Variants in RFX8 observed in about 807,000 individuals in gnomAD.
The protein encoded by RFX8 is DNA-binding protein RFX8.
In RFX8, 46 loss-of-function variants were observed where a neutral mutation model predicts 54.6. The observed-to-expected ratio is 0.84, with a 90% CI of 0.67 to 1.08. The LOEUF (loss-of-function observed/expected upper bound fraction) is 1.08. Among genes scored for constraint, RFX8 ranks in the 50% least tolerant of loss-of-function variants. RFX8 has a pLI of 0.00. For synonymous variants in RFX8, 192 were observed against 209.5 expected (o/e 0.92, Z 0.72); for missense variants, 536 against 562.3 (o/e 0.95, Z 0.47).
chr2:101,401,538 T>A lies in RFX8; in HGVS notation c.1245+898A>T, dbSNP rs114878384. Among the ~76,000 whole-genome samples the A allele has an allele frequency of 8.3e-3, 1,264 of 152,270 alleles. 23 individuals are homozygous for A. The highest frequency in any genetic ancestry group is 0.028 in the African/African-American group (1,180 of 41,552). On this transcript the variant is annotated intron_variant, in intron 11 of 11. Coordinates refer to ENST00000428343, the MANE Select transcript of RFX8 (RefSeq NM_001145664.2). ...TCATCTGTGCGAGAGGGGGAACTTG[T>A]GGGCACAAAAAGAAGAAGGCGGATA...
chr2:101,455,020 C>CTTTTTTTTTTTTTTTTTT (rs556030262), intron 2 of RFX8, among the ~76,000 whole-genome samples: 1 of 142,328 alleles, frequency 7.0e-6, no homozygotes, highest in Non-Finnish European at 1.5e-5. Flanking sequence ...TTTCTTTTTT[C>CTTTTTTTTTTTTTTTTTT]TTTTTTTTTT....
intron 2 of RFX8, among the ~76,000 whole-genome samples, chr2:101,442,628 G>A (rs1688159819): frequency 3.3e-5 from 5 of 151,944 alleles, no homozygotes; most frequent in Admixed American, 3.3e-4. Context: ...TATAGGTAAT[G>A]TGTTATTTTT....
chr2:101,413,173 A>C, intron 7 of RFX8, 102 bp from the exon 8 acceptor site: 1 of 883,332 alleles, frequency 1.1e-6, no homozygotes, highest in South Asian at 1.5e-5. Context: ...GGGGAGAAAG[A>C]AACATTGATG....
intron 2 of RFX8, among the ~76,000 whole-genome samples, chr2:101,462,827 G>A (rs977114517): frequency 4.6e-5 from 7 of 152,168 alleles, no homozygotes; most frequent in African/African-American, 1.7e-4. Context: ...GTCTGCCTGT[G>A]TGTCTGTCTA....
chr2:101,470,954 C>T (rs1398365520), intron 1 of RFX8, among the ~76,000 whole-genome samples: 5 of 150,198 alleles, frequency 3.3e-5, no homozygotes, highest in South Asian at 2.1e-4. Flanking sequence ...CTCCTGACCT[C>T]GTGATCCACC....
At chr2:101,424,397 G>A (rs762701763) in intron 2 of RFX8, among the ~76,000 whole-genome samples, 24 of 152,166 alleles carry the variant, frequency 1.6e-4, no homozygotes, top group Non-Finnish European at 2.9e-4. Flanking sequence ...TGGAGAAATA[G>A]GAATGCTTTT....
chr2:101,422,137 G>A (rs906977774), intron 3 of RFX8, among the ~76,000 whole-genome samples: 1 of 152,086 alleles, frequency 6.6e-6, no homozygotes, highest in African/African-American at 2.4e-5. Flanking sequence ...CTTTGTCTTG[G>A]GGAAGAGGCA....
chr2:101,444,084 T>C (rs536910573), intron 2 of RFX8, among the ~76,000 whole-genome samples: 4 of 152,274 alleles, frequency 2.6e-5, no homozygotes, highest in Admixed American at 1.3e-4. Context: ...AGCACTGAAA[T>C]GGCAGGTCAT....
chr2:101,413,121 T>C, intron 7 of RFX8, 50 bp from the exon 8 acceptor site: 1 of 1,501,828 alleles, frequency 6.7e-7, no homozygotes, highest in South Asian at 1.3e-5. Context: ...GTCATTTTAT[T>C]TTTGCCTAAC....
rs139712268 is a variant in RFX8, at chr2:101,436,516, C to T, written c.73-14044G>A. On this transcript the variant is annotated intron_variant, in intron 2 of 11. Coordinates refer to ENST00000428343, the MANE Select transcript of RFX8 (RefSeq NM_001145664.2). Reference sequence around the variant, plus strand: ...CTTTTTAACCACCCTCACCCCCAACCAAAATGAAATTCCAGTTCCTCCCTT... The same window carrying T: ...CTTTTTAACCACCCTCACCCCCAACTAAAATGAAATTCCAGTTCCTCCCTT... 3.7e-4 allele frequency among the ~76,000 whole-genome samples: 57 copies of T among 152,232 alleles called. No individual in the cohort carries two copies. In the Middle Eastern group the frequency reaches 0.01, roughly 27 times the overall value.
intron 10 of RFX8, among the ~76,000 whole-genome samples, chr2:101,404,760 C>T (rs1448589112): frequency 1.3e-5 from 2 of 152,186 alleles, no homozygotes; most frequent in East Asian, 3.9e-4. Context: ...TGCATGTGAA[C>T]TCTGCTGTCT....
intron 2 of RFX8, among the ~76,000 whole-genome samples, chr2:101,438,349 A>G (rs1687900831): frequency 6.6e-6 from 1 of 152,220 alleles, no homozygotes; most frequent in Non-Finnish European, 1.5e-5. Flanking sequence ...CACTGTGTAT[A>G]TGTACCACAT....
In RFX8 at chr2:101,406,026, A is replaced by C; in HGVS notation, c.845T>G (p.Leu282Trp). The change falls in exon 10 of 12, where the codon TTG (leucine) becomes TGG (tryptophan). Residue 282 changes from leucine (L) to tryptophan (W), a missense_variant. Coordinates refer to ENST00000428343, the MANE Select transcript of RFX8 (RefSeq NM_001145664.2). ...TSRSKEEFTK[L>W]AASFQLRWNL... ...CCATCTCAGCTGGAAGCTGGCGGCC[A>C]ATTTGGTAAACTCTTCTTTGCTTCT... The C allele has an allele frequency of 1.3e-6, 2 of 1,548,414 alleles. No individual in the cohort carries two copies. The highest frequency in any genetic ancestry group is 2.4e-5 in the South Asian group (2 of 83,098).
At chr2:101,399,802 C>T (rs1193174557) in intron 11 of RFX8, among the ~76,000 whole-genome samples, 1 of 151,574 alleles carries the variant, frequency 6.6e-6, no homozygotes, top group African/African-American at 2.4e-5. Flanking sequence ...AATTTGAACC[C>T]AGAAATGTAT....
intron 2 of RFX8, among the ~76,000 whole-genome samples, chr2:101,459,921 C>G (rs374838807): frequency 5.3e-5 from 8 of 152,204 alleles, no homozygotes; most frequent in Non-Finnish European, 1.2e-4. Flanking sequence ...ACTTTGTTTA[C>G]GTACTCAAGC....
chr2:101,450,503 C>T lies in RFX8; in HGVS notation c.72+16274G>A, dbSNP rs550515713. ...CCAGCCTCCCAAAGTGTTGGGATTA[C>T]AGGCGTGAGCCACCACACTTGGCCT... is the stretch of plus-strand genomic sequence containing the variant. On this transcript the variant is annotated intron_variant, in intron 2 of 11. Coordinates refer to ENST00000428343, the MANE Select transcript of RFX8 (RefSeq NM_001145664.2). The T allele has an allele frequency of 7.9e-6, 5 of 635,774 alleles. No homozygotes were observed. The Admixed American group carries it at 1.3e-4, about 17-fold the overall frequency. 39.4% of individuals were successfully genotyped at this position (635,774 alleles called of 1,614,324 possible). A position where few individuals can be genotyped will look rare whatever the true frequency, so the allele number is the denominator to read the frequency against.
At position 101,397,449 on chromosome 2, in the gene RFX8, A is replaced by G; in HGVS notation, c.*99T>C. Reference sequence around the variant, plus strand: ...ATAGACAATGCTACATCTATTATATACATAACATCATCTTTCGTCAATAGA... The same window carrying G: ...ATAGACAATGCTACATCTATTATATGCATAACATCATCTTTCGTCAATAGA... On this transcript the variant is annotated 3_prime_UTR_variant, in exon 12 of 12. Transcript: ENST00000428343. 1 of 753,202 alleles carries G rather than the reference A, an allele frequency of 1.3e-6. No homozygotes were observed. Among genetic ancestry groups the G allele is most frequent in the Non-Finnish European group, 2.1e-6 (1 of 483,804 alleles). The allele number at this position is 753,202 out of a possible 1,614,324, so 46.7% of individuals were successfully genotyped here. A position where few individuals can be genotyped will look rare whatever the true frequency, so the allele number is the denominator to read the frequency against.
chr2:101,471,075 T>C (rs1689957790), intron 1 of RFX8, among the ~76,000 whole-genome samples: 1 of 150,492 alleles, frequency 6.6e-6, no homozygotes, highest in African/African-American at 2.4e-5. Context: ...GGCTCATGCC[T>C]GTAATCCCAG....
chr2:101,432,120 G>C (rs1226393195), intron 2 of RFX8, among the ~76,000 whole-genome samples: 1 of 152,202 alleles, frequency 6.6e-6, no homozygotes, highest in Non-Finnish European at 1.5e-5. Context: ...TGGCAAGGCT[G>C]TCTCTTTCCA....
Sources: allele counts gnomAD v4.1 joint callset (sites outside exome capture counted in the v4.1 genomes callset), GRCh38; gene constraint gnomAD v4.1.1; transcripts MANE v1.5; gene names NCBI Gene and HGNC (gene_info 2026-07-23, HGNC 2026-07-21).